The following DTNBP1 variants were observed in gnomAD, a reference collection of about 807,000 sequenced individuals.
The protein encoded by DTNBP1 is dystrobrevin binding protein 1.
A neutral mutation model predicts 42.8 loss-of-function variants in DTNBP1; 35 were observed. The observed-to-expected ratio is 0.82, with a 90% CI of 0.63 to 1.09. The LOEUF is 1.09. Among genes scored for constraint, DTNBP1 ranks in the 50% least tolerant of loss-of-function variants. The pLI is 0.00. For synonymous variants in DTNBP1, 171 were observed against 162.2 expected (o/e 1.05, Z -0.41); for missense variants, 457 against 424.2 (o/e 1.08, Z -0.68).
chr6:15,541,422 C>T (rs748065811), intron 7 of DTNBP1, among the ~76,000 whole-genome samples: 1 of 152,042 alleles, frequency 6.6e-6, no homozygotes, highest in African/African-American at 2.4e-5. Flanking sequence ...ACATTTTCTA[C>T]AAGGAAAAAT....
chr6:15,543,568 A>G (rs1264898096), intron 7 of DTNBP1, among the ~76,000 whole-genome samples: 5 of 152,252 alleles, frequency 3.3e-5, no homozygotes, highest in African/African-American at 9.6e-5. Flanking sequence ...AAATTCAAGA[A>G]GGAGAAAAAT....
intron 3 of DTNBP1, among the ~76,000 whole-genome samples, chr6:15,648,230 A>G (rs2743859): frequency 0.13 from 19,604 of 151,904 alleles, 1,603 homozygotes; most frequent in African/African-American, 0.23. Flanking sequence ...TAAAAACACT[A>G]AAGTAGAAGG....
chr6:15,533,658 C>A lies in DTNBP1; in HGVS notation c.512-263G>T, dbSNP rs377504290. ...TCCCTTTGCTGGAACGACCTTCCCA[C>A]CCGCATCGCCCATTCATCAGTCACA... is the stretch of plus-strand genomic sequence containing the variant. On this transcript the variant is annotated intron_variant, in intron 7 of 9. Coordinates refer to ENST00000344537, the MANE Select transcript of DTNBP1 (RefSeq NM_032122.5). The A allele has an allele frequency of 3.7e-5, 22 of 601,664 alleles. No individual in the cohort carries two copies. The African/African-American group carries it at 3.8e-4, about 10-fold the overall frequency. 37.3% of individuals were successfully genotyped at this position (601,664 alleles called of 1,614,324 possible). A position where few individuals can be genotyped will look rare whatever the true frequency, so the allele number is the denominator to read the frequency against.
chr6:15,561,784 T>C (rs1257471921), intron 7 of DTNBP1, among the ~76,000 whole-genome samples: 3 of 152,110 alleles, frequency 2.0e-5, no homozygotes, highest in Non-Finnish European at 4.4e-5. Flanking sequence ...AGAACTGGTA[T>C]CAGAAGATAC....
intron 8 of DTNBP1, among the ~76,000 whole-genome samples, chr6:15,525,546 T>G (rs1330103762): frequency 1.3e-5 from 2 of 152,200 alleles, no homozygotes; most frequent in Non-Finnish European, 2.9e-5. Context: ...ATGAGATGGC[T>G]GTTCATACAC....
intron 7 of DTNBP1, among the ~76,000 whole-genome samples, chr6:15,542,754 C>T (rs959599628): frequency 2.6e-5 from 4 of 152,072 alleles, no homozygotes; most frequent in South Asian, 2.1e-4. Flanking sequence ...TAAAATGGCA[C>T]GATCTTGGCT....
chr6:15,606,903 T>G (rs1758092223), intron 6 of DTNBP1, among the ~76,000 whole-genome samples: 1 of 152,192 alleles, frequency 6.6e-6, no homozygotes, highest in Admixed American at 6.5e-5. Context: ...ATTTGAAAAT[T>G]TCTCAAATGG....
intron 6 of DTNBP1, among the ~76,000 whole-genome samples, chr6:15,593,887 A>C (rs1776398146): frequency 6.6e-6 from 1 of 152,186 alleles, no homozygotes. Context: ...AGGTTTTACT[A>C]AAAATCTAGA....
At position 15,593,601 on chromosome 6, in the gene DTNBP1, C is replaced by T. The variant is rs150818645; in HGVS notation, c.489-520G>A. Among the ~76,000 whole-genome samples the T allele has an allele frequency of 6.4e-3, 977 of 152,272 alleles. 18 individuals carry two copies. Among genetic ancestry groups the T allele is most frequent in the African/African-American group, 0.022 (899 of 41,546 alleles). On this transcript the variant is annotated intron_variant, in intron 6 of 9. Coordinates refer to ENST00000344537, the MANE Select transcript of DTNBP1 (RefSeq NM_032122.5). ...GGTGCACAGCTCATGCCACAAAGGG[C>T]CAAGCCTCTAGGAATCTTCTGGTTT...
At chr6:15,641,892 A>T (rs1341600151) in intron 3 of DTNBP1, among the ~76,000 whole-genome samples, 1 of 152,214 alleles carries the variant, frequency 6.6e-6, no homozygotes, top group African/African-American at 2.4e-5. Context: ...AAGGAAATGC[A>T]GGCACAGTGC....
chr6:15,546,361 G>A (rs1327020068), intron 7 of DTNBP1, among the ~76,000 whole-genome samples: 1 of 151,854 alleles, frequency 6.6e-6, no homozygotes, highest in East Asian at 1.9e-4. Context: ...CACCGCGCCT[G>A]GCCCCACCTC....
intron 7 of DTNBP1, among the ~76,000 whole-genome samples, chr6:15,545,786 A>G (rs923083177): frequency 1.3e-5 from 2 of 152,212 alleles, no homozygotes; most frequent in Admixed American, 6.5e-5. Flanking sequence ...CCTTAAGGAA[A>G]TGACCACTAT....
intron 7 of DTNBP1, among the ~76,000 whole-genome samples, chr6:15,546,713 C>T (rs188694056): frequency 4.2e-4 from 64 of 152,144 alleles, no homozygotes; most frequent in Non-Finnish European, 8.2e-4. Context: ...GTTAAGGGTA[C>T]GGTGTGGTGG....
intron 1 of DTNBP1, among the ~76,000 whole-genome samples, chr6:15,661,766 T>C (rs955306512): frequency 1.3e-5 from 2 of 152,210 alleles, no homozygotes; most frequent in Non-Finnish European, 2.9e-5. Context: ...CAAAGACAGA[T>C]CTTTTTCACT....
chr6:15,620,129 C>T (rs1053189952), intron 5 of DTNBP1, among the ~76,000 whole-genome samples: 12 of 151,982 alleles, frequency 7.9e-5, no homozygotes, highest in African/African-American at 1.5e-4. Context: ...TAATATATCA[C>T]GGTAAATCTG....
At chr6:15,593,217 A>G in intron 6 of DTNBP1, 136 bp from the exon 7 acceptor site, 2 of 804,484 alleles carry the variant, frequency 2.5e-6, no homozygotes, top group Non-Finnish European at 3.9e-6. Flanking sequence ...CATATCAGTT[A>G]TACTTTACTG....
At chr6:15,655,285 C>T (rs1195310649) in intron 1 of DTNBP1, among the ~76,000 whole-genome samples, 2 of 152,060 alleles carry the variant, frequency 1.3e-5, no homozygotes, top group South Asian at 2.1e-4. Context: ...GCACACCCAG[C>T]TAGTTTTTAA....
intron 4 of DTNBP1, among the ~76,000 whole-genome samples, chr6:15,630,638 C>G (rs1239434463): frequency 6.6e-6 from 1 of 152,134 alleles, no homozygotes; most frequent in East Asian, 1.9e-4. Flanking sequence ...CCTAGACAGG[C>G]TGGGTGCGGT....
intron 4 of DTNBP1, among the ~76,000 whole-genome samples, chr6:15,633,759 A>C (rs1346416396): frequency 1.3e-5 from 2 of 152,196 alleles, no homozygotes; most frequent in East Asian, 3.8e-4. Flanking sequence ...AACCTTCAGT[A>C]ACCACCACCC....
Sources: gnomAD v4.1 joint callset for allele counts (sites outside exome capture counted in the v4.1 genomes callset) on GRCh38, gnomAD v4.1.1 for gene constraint, MANE v1.5 for transcripts, NCBI Gene and HGNC (gene_info 2026-07-23, HGNC 2026-07-21) for gene names.